Variants in FRMD3 observed in about 807,000 individuals in gnomAD.
FRMD3 encodes the protein FERM domain containing 3, also known as FERM domain-containing protein 3.
Under a neutral mutation model 70.2 loss-of-function variants are expected in FRMD3, and 33 were observed. The ratio of observed to expected loss-of-function variants is 0.47; its 90% CI spans 0.36 to 0.63. The LOEUF is 0.63. Among genes scored for constraint, FRMD3 ranks in the 20% least tolerant of loss-of-function variants. The probability of loss-of-function intolerance (pLI) is 0.00; values close to 1 mark genes in which losing one functional copy is unlikely to be tolerated. For missense variants in FRMD3, 632 were observed against 711.4 expected (o/e 0.89, Z 1.27); for synonymous variants, 279 against 255.9 (o/e 1.09, Z -0.86).
intron 1 of FRMD3, among the ~76,000 whole-genome samples, chr9:83,436,778 G>T (rs1373893528): frequency 1.4e-5 from 1 of 69,442 alleles, no homozygotes; most frequent in Admixed American, 1.8e-4. Flanking sequence ...CCTGGACCAA[G>T]GGGAAAAAAA....
the FRMD3 span, among the ~76,000 whole-genome samples, chr9:83,567,028 C>T: frequency 2.0e-5 from 3 of 152,232 alleles, no homozygotes; most frequent in African/African-American, 7.2e-5. Context: ...CCACACTGCC[C>T]TAGCAGAGGT....
chr9:83,264,977 A>C (rs1465371496), intron 13 of FRMD3, among the ~76,000 whole-genome samples: 2 of 152,198 alleles, frequency 1.3e-5, no homozygotes, highest in African/African-American at 4.8e-5. Flanking sequence ...TAAATGCATT[A>C]ATTATGAAGA....
At chr9:83,354,340 C>T (rs900483124) in intron 3 of FRMD3, among the ~76,000 whole-genome samples, 1 of 152,182 alleles carries the variant, frequency 6.6e-6, no homozygotes, top group African/African-American at 2.4e-5. Flanking sequence ...AACAAAATCA[C>T]ATCCTTTGCA....
In FRMD3 at chr9:83,290,620, T is replaced by G. The variant is rs1834378989; in HGVS notation, c.1178A>C (p.Glu393Ala). 1 of 1,613,798 alleles carries G rather than the reference T, an allele frequency of 6.2e-7. No individual in the cohort carries two copies. Among genetic ancestry groups the G allele is most frequent in the Non-Finnish European group, 8.5e-7 (1 of 1,179,844 alleles). ...AGACTTACCCTCACCCAGAGGAAGT[T>G]CTTCTTCTTGCTCGCTGGGGGAAGG... ...LLPSPSEQEE[E>A]LPLGEGVPLP... Residue 393 changes from glutamate (E) to alanine (A), a missense_variant, in exon 13 of 14, where the codon GAA becomes GCA. Around this residue, in one of 3 missense-constraint regions of FRMD3, gnomAD observed 418 missense variants for 442.1 expected, o/e 0.95. Transcript: ENST00000304195.
intron 4 of FRMD3, 91 bp downstream of exon 4, chr9:83,349,588 C>A: frequency 1.2e-6 from 1 of 846,656 alleles, no homozygotes. Flanking sequence ...AGACGGTCAG[C>A]TCTAGACAGG....
At chr9:83,414,785 T>C (rs1003921346) in intron 1 of FRMD3, among the ~76,000 whole-genome samples, 7 of 152,260 alleles carry the variant, frequency 4.6e-5, no homozygotes, top group African/African-American at 1.7e-4. Flanking sequence ...TCTAGTTCTG[T>C]ATCTTCATGC....
At chr9:83,266,575 A>G (rs1487863719) in intron 13 of FRMD3, among the ~76,000 whole-genome samples, 1 of 152,156 alleles carries the variant, frequency 6.6e-6, no homozygotes, top group African/African-American at 2.4e-5. Context: ...TGCCTTGAGG[A>G]TAAAAGTGGT....
At chr9:83,429,864 G>A (rs997866861) in intron 1 of FRMD3, among the ~76,000 whole-genome samples, 4 of 152,058 alleles carry the variant, frequency 2.6e-5, no homozygotes, top group Non-Finnish European at 4.4e-5. Flanking sequence ...ATGCAGAGAT[G>A]CGAATGATTC....
intron 1 of FRMD3, among the ~76,000 whole-genome samples, chr9:83,481,481 G>A (rs1363162853): frequency 6.6e-6 from 1 of 152,032 alleles, no homozygotes; most frequent in Non-Finnish European, 1.5e-5. Context: ...CCACATAAAG[G>A]CAAACCAAAT....
At chr9:83,281,799 C>G (rs1178063223) in intron 13 of FRMD3, among the ~76,000 whole-genome samples, 2 of 152,162 alleles carry the variant, frequency 1.3e-5, no homozygotes, top group Non-Finnish European at 2.9e-5. Context: ...ACTCGGTCCC[C>G]AGCCTTCTCA....
chr9:83,343,667 G>A (rs1055267651), intron 4 of FRMD3, among the ~76,000 whole-genome samples: 5 of 152,346 alleles, frequency 3.3e-5, no homozygotes, highest in Admixed American at 1.3e-4. Flanking sequence ...CCCAAGCTCT[G>A]TTTCAAACGG....
intron 6 of FRMD3, among the ~76,000 whole-genome samples, chr9:83,334,587 T>G (rs1207564714): frequency 6.6e-6 from 1 of 152,082 alleles, no homozygotes; most frequent in Non-Finnish European, 1.5e-5. Flanking sequence ...CATCAACACT[T>G]GTCATAACAC....
intron 1 of FRMD3, among the ~76,000 whole-genome samples, chr9:83,461,663 CCCTTTTTTTTTTTTTTT>C (rs1487755652): frequency 2.2e-4 from 28 of 126,070 alleles, no homozygotes; most frequent in African/African-American, 8.2e-4. Context: ...TCAGGAATTT[CCCTTTTTTTTTTTTTTT>C]TTTTTTTTTT....
chr9:83,255,798 C>A (rs1043566234), intron 13 of FRMD3, among the ~76,000 whole-genome samples: 1 of 152,022 alleles, frequency 6.6e-6, no homozygotes, highest in Non-Finnish European at 1.5e-5. Flanking sequence ...GAATAAAATA[C>A]CTTGAAATAC....
At chr9:83,298,391 G>T (rs1834763496) in intron 12 of FRMD3, among the ~76,000 whole-genome samples, 1 of 152,176 alleles carries the variant, frequency 6.6e-6, no homozygotes, top group Non-Finnish European at 1.5e-5. Flanking sequence ...ATGGGAACGG[G>T]CCAAATATGA....
At chr9:83,464,932 A>G (rs1185056347) in intron 1 of FRMD3, among the ~76,000 whole-genome samples, 2 of 151,924 alleles carry the variant, frequency 1.3e-5, no homozygotes, top group Non-Finnish European at 2.9e-5. Context: ...AGGCAGGAGA[A>G]TTGTTTGAAC....
chr9:83,555,401 C>A, the FRMD3 span, among the ~76,000 whole-genome samples: 20 of 148,910 alleles, frequency 1.3e-4, no homozygotes, highest in South Asian at 3.9e-3. Context: ...GCAGTCTGGC[C>A]AAATTTGGTA....
In FRMD3 at chr9:83,246,389, AC is replaced by A; in HGVS notation, c.*1528del. On this transcript the variant is annotated 3_prime_UTR_variant, in exon 14 of 14. Transcript: ENST00000304195. ...ACAATGCTCTAGTACCTTCCTTGAT[AC>A]CATTAAATTGTTGGATTAAATCCTT... is the stretch of plus-strand genomic sequence containing the variant. The A allele has an allele frequency of 4.1e-6, 4 of 984,806 alleles. No homozygotes were observed. Among genetic ancestry groups the A allele is most frequent in the Non-Finnish European group, 3.6e-6 (3 of 829,514 alleles). The allele number at this position is 984,806 out of a possible 1,614,324, so 61.0% of individuals were successfully genotyped here. A position where few individuals can be genotyped will look rare whatever the true frequency, so the allele number is the denominator to read the frequency against.
chr9:83,564,736 C>T, the FRMD3 span, among the ~76,000 whole-genome samples: 5 of 152,180 alleles, frequency 3.3e-5, no homozygotes, highest in African/African-American at 1.2e-4. Context: ...TAAGATATCC[C>T]TGATTGCTGG....
Sources: gnomAD v4.1 joint callset for allele counts (sites outside exome capture counted in the v4.1 genomes callset) on GRCh38, gnomAD v4.1.1 for gene constraint, gnomAD v4.1.1 regional missense constraint, MANE v1.5 for transcripts, NCBI Gene and HGNC (gene_info 2026-07-23, HGNC 2026-07-21) for gene names.